NEO1: variants seen among roughly 807,000 people sequenced by gnomAD.
NEO1 encodes the protein neogenin 1.
NEO1 carries 63 observed loss-of-function variants against 159.7 expected under a neutral mutation model. That is an observed-to-expected ratio of 0.39 (90% CI 0.32 to 0.49). The LOEUF is 0.49. Ranked by LOEUF, NEO1 falls within the 20% of genes least tolerant of loss-of-function variation. The pLI is 0.85. For synonymous variants in NEO1, 633 were observed against 662.0 expected (o/e 0.96, Z 0.67); for missense variants, 1,615 against 1,831.0 (o/e 0.88, Z 2.15).
chr15:73,098,457 TTATA>T (rs905119010), intron 1 of NEO1, among the ~76,000 whole-genome samples: 11 of 152,164 alleles, frequency 7.2e-5, no homozygotes, highest in African/African-American at 2.4e-4. Context: ...GTATTAAAAG[TTATA>T]TATATGTGTG....
intron 2 of NEO1, among the ~76,000 whole-genome samples, chr15:73,120,065 G>A (rs2071547518): frequency 6.6e-6 from 1 of 152,056 alleles, no homozygotes; most frequent in Non-Finnish European, 1.5e-5. Context: ...GAACCCTGGA[G>A]GCAGATGTTG....
intron 18 of NEO1, among the ~76,000 whole-genome samples, chr15:73,271,439 A>G (rs2041164093): frequency 6.6e-6 from 1 of 152,096 alleles, no homozygotes; most frequent in South Asian, 2.1e-4. Flanking sequence ...AGTGTGTTAA[A>G]AGTTTTCAGC....
At chr15:73,190,496 T>C (rs2036181103) in intron 7 of NEO1, among the ~76,000 whole-genome samples, 1 of 152,152 alleles carries the variant, frequency 6.6e-6, no homozygotes, top group South Asian at 2.1e-4. Flanking sequence ...CACCCTTTTT[T>C]TGACAGAAAT....
At position 73,302,613 on chromosome 15, in the gene NEO1, A is replaced by G; in HGVS notation, c.4303A>G (p.Ser1435Gly). Residue 1435 changes from serine to glycine, a missense_variant and splice_region_variant, in exon 29 of 29, where the codon AGC (serine) becomes GGC (glycine). Physicochemically the swap from Ser to Gly is moderately conservative, Grantham distance 56. This residue lies in a region of NEO1 where 471 missense variants were observed against 498.9 expected (regional missense o/e 0.94). Transcript: ENST00000261908. ...AGTAACAGTGTTTTCTTTTCCATAG[A>G]GCTATGAACCAGATGAGCTGACCAA... is the stretch of plus-strand genomic sequence containing the variant. ...TTRMLEDSES[S>G]YEPDELTKEM... The G allele has an allele frequency of 6.2e-7, 1 of 1,613,588 alleles. No individual in the cohort carries two copies. The highest frequency in any genetic ancestry group is 8.5e-7 in the Non-Finnish European group (1 of 1,179,726).
chr15:73,289,273 A>C (rs565996452), intron 25 of NEO1, 35 bp downstream of exon 25: 5 of 1,560,988 alleles, frequency 3.2e-6, no homozygotes, highest in Non-Finnish European at 4.4e-6. Flanking sequence ...CAGTGCTACC[A>C]ATCTGTTCAG....
intron 5 of NEO1, among the ~76,000 whole-genome samples, chr15:73,138,650 G>T (rs992209258): frequency 3.9e-5 from 6 of 152,018 alleles, no homozygotes; most frequent in Non-Finnish European, 8.8e-5. Flanking sequence ...CAGCTACTTG[G>T]GAGGCTAAGG....
At chr15:73,253,086 T>A (rs982497396) in intron 11 of NEO1, among the ~76,000 whole-genome samples, 2 of 152,160 alleles carry the variant, frequency 1.3e-5, no homozygotes, top group African/African-American at 4.8e-5. Context: ...TCTAGAAAAG[T>A]TGAGAGTCTT....
intron 7 of NEO1, among the ~76,000 whole-genome samples, chr15:73,225,236 T>A (rs1328268024): frequency 6.6e-6 from 1 of 151,836 alleles, no homozygotes; most frequent in East Asian, 1.9e-4. Flanking sequence ...TCTGTGAGAG[T>A]TCTTAGCTTT....
chr15:73,193,497 G>T (rs1184316246), intron 7 of NEO1, among the ~76,000 whole-genome samples: 3 of 151,048 alleles, frequency 2.0e-5, no homozygotes, highest in Non-Finnish European at 4.4e-5. Flanking sequence ...TTCCGCTTAT[G>T]TTCTCTTAAT....
intron 5 of NEO1, among the ~76,000 whole-genome samples, chr15:73,157,702 A>T (rs1394966828): frequency 6.6e-6 from 1 of 152,150 alleles, no homozygotes; most frequent in Non-Finnish European, 1.5e-5. Context: ...TTAAAGTGTG[A>T]TTGTCTACAC....
chr15:73,285,430 A>G (rs1452832161), intron 23 of NEO1, among the ~76,000 whole-genome samples: 1 of 152,208 alleles, frequency 6.6e-6, no homozygotes. Flanking sequence ...AGTTGATAAT[A>G]GGCTCTATTC....
chr15:73,272,223 C>T (rs2041207398), intron 18 of NEO1, among the ~76,000 whole-genome samples: 1 of 152,176 alleles, frequency 6.6e-6, no homozygotes, highest in Admixed American at 6.5e-5. Context: ...CCCTGACTCC[C>T]AGCCAAGATG....
Position 73,116,371 on chromosome 15 carries a change from A to G in NEO1, c.131-169A>G, listed in dbSNP as rs2071316818. On this transcript the variant is annotated intron_variant, in intron 1 of 28. Transcript: ENST00000261908. ...TAAATGGCTCAAAGTTTGGTTTCCT[A>G]CTTGAAAGTAAATCTTATTTATTAG... 2.6e-5 allele frequency among the ~76,000 whole-genome samples: 4 copies of G among 152,028 alleles called. No individual in the cohort carries two copies. In the South Asian group the frequency reaches 8.3e-4, roughly 32 times the overall value.
intron 5 of NEO1, among the ~76,000 whole-genome samples, chr15:73,149,610 G>GAA (rs141119195): frequency 2.0e-5 from 3 of 151,506 alleles, no homozygotes; most frequent in Non-Finnish European, 4.4e-5. Flanking sequence ...AAAGTAGAAG[G>GAA]AAAAAAAAGA....
chr15:73,107,671 A>C (rs979453252), intron 1 of NEO1, among the ~76,000 whole-genome samples: 1 of 152,232 alleles, frequency 6.6e-6, no homozygotes, highest in Non-Finnish European at 1.5e-5. Context: ...GTGTAAAACA[A>C]TGCCATCATT....
intron 7 of NEO1, among the ~76,000 whole-genome samples, chr15:73,222,295 G>A (rs1185303597): frequency 2.6e-5 from 4 of 151,162 alleles, no homozygotes; most frequent in South Asian, 2.1e-4. Flanking sequence ...TAGTAGAGAC[G>A]GGGTTTCACC....
chr15:73,227,161 C>G (rs537693640), intron 7 of NEO1, among the ~76,000 whole-genome samples: 2 of 152,272 alleles, frequency 1.3e-5, no homozygotes, highest in African/African-American at 4.8e-5. Context: ...AAAGTTAATT[C>G]TCAGAAATAT....
At chr15:73,207,169 G>A (rs546413458) in intron 7 of NEO1, among the ~76,000 whole-genome samples, 1 of 152,276 alleles carries the variant, frequency 6.6e-6, no homozygotes, top group Admixed American at 6.5e-5. Flanking sequence ...GTAGTGGTAA[G>A]TTAATATTAA....
chr15:73,298,717 T>C, intron 27 of NEO1, 106 bp downstream of exon 27: 1 of 1,446,866 alleles, frequency 6.9e-7, no homozygotes, highest in Non-Finnish European at 9.4e-7. Context: ...AAAGCAAATA[T>C]CCTCCAAGCC....
Sources: allele counts gnomAD v4.1 joint callset (sites outside exome capture counted in the v4.1 genomes callset), GRCh38; gene constraint gnomAD v4.1.1; regional missense constraint gnomAD v4.1.1; transcripts MANE v1.5; gene names NCBI Gene and HGNC (gene_info 2026-07-23, HGNC 2026-07-21).